CHTF8: variants seen among roughly 807,000 people sequenced by gnomAD.
The protein encoded by CHTF8 is chromosome transmission fidelity protein 8 homolog.
Under a neutral mutation model 11.0 loss-of-function variants are expected in CHTF8, and 6 were observed. That is an observed-to-expected ratio of 0.55 (90% CI 0.30 to 1.08). The LOEUF (loss-of-function observed/expected upper bound fraction) is 1.08, where lower values mean the gene tolerates loss of function less well. CHTF8 is among the 50% of genes least tolerant of loss of function. The probability of loss-of-function intolerance (pLI) is 0.07; values close to 1 mark genes in which losing one functional copy is unlikely to be tolerated. For synonymous variants in CHTF8, 53 were observed against 60.5 expected (o/e 0.88, Z 0.57); for missense variants, 140 against 153.1 (o/e 0.91, Z 0.45).
intron 1 of CHTF8, among the ~76,000 whole-genome samples, chr16:69,124,951 C>T (rs1333079322): frequency 2.6e-5 from 4 of 152,086 alleles, no homozygotes; most frequent in Admixed American, 2.0e-4. Flanking sequence ...GTTGCCCAGG[C>T]TGGAGTGCAA....
At chr16:69,129,813 G>C (rs1962365936) in intron 1 of CHTF8, among the ~76,000 whole-genome samples, 1 of 152,172 alleles carries the variant, frequency 6.6e-6, no homozygotes, top group Non-Finnish European at 1.5e-5. Flanking sequence ...AAATGGCAAA[G>C]TAACCTATGG....
rs548021712 is a variant in CHTF8 at position 69,119,454 on chromosome 16, G to A, written c.*971C>T. 10 of 702,972 alleles carry A rather than the reference G, an allele frequency of 1.4e-5. No individual in the cohort carries two copies. The East Asian group carries it at 2.1e-4, about 15-fold the overall frequency. 43.5% of individuals were successfully genotyped at this position (702,972 alleles called of 1,614,324 possible). A position where few individuals can be genotyped will look rare whatever the true frequency, so the allele number is the denominator to read the frequency against. On this transcript the variant is annotated 3_prime_UTR_variant, in exon 4 of 4. Transcript: ENST00000448552. ...TGGGAGATGGATTTGGCCCTGGAAG[G>A]CCAATTCCCCGAGAGCTAGGACCCG...
rs1204151570 is a variant in CHTF8, at chr16:69,118,377, T to A, written c.*2048A>T. On this transcript the variant is annotated 3_prime_UTR_variant, in exon 4 of 4. Coordinates refer to ENST00000448552, the MANE Select transcript of CHTF8 (RefSeq NM_001039690.5). ...AAGCCCCCAGGGAAAGGTATGGCAGTAGAGGATGACCAGGTCCAAGCTGCC... is the reference window on the plus strand; with the variant it reads ...AAGCCCCCAGGGAAAGGTATGGCAGAAGAGGATGACCAGGTCCAAGCTGCC... The A allele has an allele frequency of 6.2e-7, 1 of 1,610,792 alleles. No homozygotes were observed. Among genetic ancestry groups the A allele is most frequent in the Non-Finnish European group, 8.5e-7 (1 of 1,177,202 alleles).
Position 69,119,629 on chromosome 16 carries a change from A to G in CHTF8, c.*796T>C, listed in dbSNP as rs769790070. The G allele has an allele frequency of 1.4e-6, 1 of 690,282 alleles. No homozygotes were observed. The highest frequency in any genetic ancestry group is 1.5e-5 in the South Asian group (1 of 66,728). 42.8% of individuals were successfully genotyped at this position (690,282 alleles called of 1,614,324 possible). On this transcript the variant is annotated 3_prime_UTR_variant, in exon 4 of 4. Coordinates refer to ENST00000448552, the MANE Select transcript of CHTF8 (RefSeq NM_001039690.5). ...AAGATCGAGGCCTTGAGGTCCAGCC[A>G]TTCTTAAGTTAAGACCAGATCCTGT...
In CHTF8 at chr16:69,121,422, C is replaced by T. The variant is rs1238226972; in HGVS notation, c.23+14G>A. 1 of 1,599,368 alleles carries T rather than the reference C, an allele frequency of 6.3e-7. No individual in the cohort carries two copies. The highest frequency in any genetic ancestry group is 8.5e-7 in the Non-Finnish European group (1 of 1,175,364). On this transcript the variant is annotated intron_variant, in intron 2 of 3. Coordinates refer to ENST00000448552, the MANE Select transcript of CHTF8 (RefSeq NM_001039690.5). ...CATTTCAAGCCAAATTTTAAAATCT[C>T]AAAATGTACTTACCTGGAAATAACA...
intron 1 of CHTF8, chr16:69,132,238 C>G (rs1962598386): frequency 6.7e-6 from 1 of 150,034 alleles, no homozygotes; most frequent in Non-Finnish European, 1.5e-5. Context: ...ACTCCTGGCC[C>G]TCCCACCCCG....
At position 69,120,953 on chromosome 16, in the gene CHTF8, T is replaced by A; in HGVS notation, c.141+100A>T. 1 of 1,011,196 alleles carries A rather than the reference T, an allele frequency of 9.9e-7. No individual in the cohort carries two copies. The highest frequency in any genetic ancestry group is 1.6e-6 in the Non-Finnish European group (1 of 629,246). 62.6% of individuals were successfully genotyped at this position (1,011,196 alleles called of 1,614,324 possible). A position where few individuals can be genotyped will look rare whatever the true frequency, so the allele number is the denominator to read the frequency against. ...CATCGCAGATTAGCTAGGCCTTGAA[T>A]AACAAACCTGAGGCAGTCCTCACTC... On this transcript the variant is annotated intron_variant, in intron 3 of 3. Transcript: ENST00000448552. The surrounding 1 kb of genome is among the most constrained non-coding windows in gnomAD (Gnocchi z 4.0).
Position 69,120,107 on chromosome 16 carries a change from C to T in CHTF8, c.*318G>A, listed in dbSNP as rs1176384714. 4.3e-6 allele frequency: 3 copies of T among 699,904 alleles called. No homozygotes were observed. The highest frequency in any genetic ancestry group is 7.8e-6 in the Non-Finnish European group (3 of 384,246). The allele number at this position is 699,904 out of a possible 1,614,324, so 43.4% of individuals were successfully genotyped here. Reference sequence around the variant, plus strand: ...CCAGGCCTTGGGAAAGAAACTGCACCTGTGCCAGTGGGATTCATCCCTCTT... The same window carrying T: ...CCAGGCCTTGGGAAAGAAACTGCACTTGTGCCAGTGGGATTCATCCCTCTT... On this transcript the variant is annotated 3_prime_UTR_variant, in exon 4 of 4. Coordinates refer to ENST00000448552, the MANE Select transcript of CHTF8 (RefSeq NM_001039690.5). The surrounding 1 kb of genome is among the most constrained non-coding windows in gnomAD (Gnocchi z 4.0).
Position 69,118,616 on chromosome 16 carries a change from G to A in CHTF8, c.*1809C>T. On this transcript the variant is annotated 3_prime_UTR_variant, in exon 4 of 4. Coordinates refer to ENST00000448552, the MANE Select transcript of CHTF8 (RefSeq NM_001039690.5). ...ACGAAAGCACAGCAGGCTTCTGGGAGGCTGGAGATCCTTTCTCTCAAGGGC... is the reference window on the plus strand; with the variant it reads ...ACGAAAGCACAGCAGGCTTCTGGGAAGCTGGAGATCCTTTCTCTCAAGGGC... 1.4e-6 allele frequency: 1 copy of A among 707,262 alleles called. No individual in the cohort carries two copies. Among genetic ancestry groups the A allele is most frequent in the South Asian group, 1.5e-5 (1 of 67,566 alleles). The allele number at this position is 707,262 out of a possible 1,614,324, so 43.8% of individuals were successfully genotyped here.
intron 1 of CHTF8, among the ~76,000 whole-genome samples, chr16:69,130,204 A>T (rs72789240): frequency 0.049 from 7,420 of 152,316 alleles, 201 homozygotes; most frequent in South Asian, 0.073. Flanking sequence ...TATGTATCCA[A>T]TTAAACCGAA....
At chr16:69,126,586 T>C (rs546125429) in intron 1 of CHTF8, among the ~76,000 whole-genome samples, 1 of 152,332 alleles carries the variant, frequency 6.6e-6, no homozygotes, top group African/African-American at 2.4e-5. Flanking sequence ...TGTCTTATCC[T>C]AGAACTATTG....
intron 1 of CHTF8, among the ~76,000 whole-genome samples, chr16:69,127,625 T>G (rs1055661452): frequency 2.8e-4 from 41 of 144,196 alleles, no homozygotes; most frequent in Non-Finnish European, 5.7e-4. Flanking sequence ...TTTTTTTTTT[T>G]GTGAGACAGT....
In CHTF8 at chr16:69,124,894, A is replaced by G. The variant is rs1416651684; in HGVS notation, c.-35-3401T>C. Among the ~76,000 whole-genome samples, 3 of 151,664 alleles carry G rather than the reference A, an allele frequency of 2.0e-5. No individual in the cohort carries two copies. The East Asian group carries it at 5.9e-4, about 30-fold the overall frequency. Reference sequence around the variant, plus strand: ...GAGCACCAAACACTTTGGGAACATGAAATTGGTCAACTCACTAGACTTTTT... The same window carrying G: ...GAGCACCAAACACTTTGGGAACATGGAATTGGTCAACTCACTAGACTTTTT... On this transcript the variant is annotated intron_variant, in intron 1 of 3. Transcript: ENST00000448552.
Sources: gnomAD v4.1 joint callset for allele counts (sites outside exome capture counted in the v4.1 genomes callset) on GRCh38, gnomAD v4.1.1 for gene constraint, Gnocchi (gnomAD v3.1) non-coding constraint, MANE v1.5 for transcripts, NCBI Gene and HGNC (gene_info 2026-07-23, HGNC 2026-07-21) for gene names.